SKIC3: variants seen among roughly 807,000 people sequenced by gnomAD.
SKIC3 encodes the protein superkiller complex protein 3.
chr5:95,517,125 CTGGCAATCT>C, the SKIC3 span: 1 of 1,613,468 alleles, frequency 6.2e-7, no homozygotes, highest in Non-Finnish European at 8.5e-7. Context: ...ATGTTATTAA[CTGGCAATCT>C]TTGCAAATTA....
the SKIC3 span, chr5:95,506,874 T>C: frequency 1.3e-6 from 2 of 1,549,472 alleles, no homozygotes; most frequent in Non-Finnish European, 1.8e-6. Flanking sequence ...AGCAGTCCCA[T>C]AGCTTTCACC....
At chr5:95,480,501 A>G in the SKIC3 span, among the ~76,000 whole-genome samples, 1 of 152,188 alleles carries the variant, frequency 6.6e-6, no homozygotes, top group Non-Finnish European at 1.5e-5. Context: ...AATCACTACA[A>G]TATATTATTA....
the SKIC3 span, among the ~76,000 whole-genome samples, chr5:95,490,701 T>A: frequency 1.3e-5 from 2 of 152,024 alleles, no homozygotes; most frequent in Non-Finnish European, 2.9e-5. Flanking sequence ...GGTTTCACCA[T>A]GTTAGCCAGG....
chr5:95,477,786 A>G, the SKIC3 span, among the ~76,000 whole-genome samples: 1 of 152,196 alleles, frequency 6.6e-6, no homozygotes, highest in Non-Finnish European at 1.5e-5. Flanking sequence ...CCTGCTCTGC[A>G]GTTTGCCCTC....
the SKIC3 span, among the ~76,000 whole-genome samples, chr5:95,515,731 T>C: frequency 1.3e-4 from 20 of 152,262 alleles, no homozygotes; most frequent in African/African-American, 3.1e-4. Flanking sequence ...CTTGAGAATA[T>C]TGAGAAAGCT....
At chr5:95,524,135 T>C in the SKIC3 span, among the ~76,000 whole-genome samples, 1,399 of 152,316 alleles carry the variant, frequency 9.2e-3, 20 homozygotes, top group African/African-American at 0.032. Context: ...GTAGGACTTA[T>C]AGATGTTAAA....
chr5:95,485,921 C>G, the SKIC3 span, among the ~76,000 whole-genome samples: 1 of 152,064 alleles, frequency 6.6e-6, no homozygotes, highest in Non-Finnish European at 1.5e-5. Context: ...GTCTGCTCGG[C>G]TGGGATCAGC....
the SKIC3 span, among the ~76,000 whole-genome samples, chr5:95,547,645 A>G: frequency 6.6e-6 from 1 of 152,042 alleles, no homozygotes; most frequent in African/African-American, 2.4e-5. Context: ...TTTTATTTAC[A>G]TTCATTCTCT....
the SKIC3 span, chr5:95,482,533 A>G: frequency 1.2e-6 from 2 of 1,613,976 alleles, no homozygotes; most frequent in Non-Finnish European, 1.7e-6. Context: ...CTTCAAGTAC[A>G]GCATCTGGGA....
At chr5:95,491,227 G>A in the SKIC3 span, among the ~76,000 whole-genome samples, 1 of 152,034 alleles carries the variant, frequency 6.6e-6, no homozygotes, top group Non-Finnish European at 1.5e-5. Flanking sequence ...TTCCAGATTT[G>A]CCAATTTTTC....
At chr5:95,493,883 C>T in the SKIC3 span, among the ~76,000 whole-genome samples, 3 of 151,858 alleles carry the variant, frequency 2.0e-5, no homozygotes, top group African/African-American at 4.8e-5. Flanking sequence ...TCTTCTATGG[C>T]ATTTTTCCAG....
the SKIC3 span, among the ~76,000 whole-genome samples, chr5:95,483,487 T>C: frequency 1.3e-5 from 2 of 152,206 alleles, no homozygotes; most frequent in African/African-American, 4.8e-5. Context: ...AGTAAACACT[T>C]ACTGTGTAAT....
At chr5:95,473,773 C>T in the SKIC3 span, among the ~76,000 whole-genome samples, 1 of 152,034 alleles carries the variant, frequency 6.6e-6, no homozygotes, top group African/African-American at 2.4e-5. Flanking sequence ...ATGCTTCTTG[C>T]TTGCTGATTT....
the SKIC3 span, among the ~76,000 whole-genome samples, chr5:95,551,535 T>C: frequency 1.3e-5 from 2 of 152,166 alleles, no homozygotes; most frequent in African/African-American, 2.4e-5. Context: ...AGTAAGATAA[T>C]AGTTAAAAAA....
the SKIC3 span, among the ~76,000 whole-genome samples, chr5:95,466,843 C>T: frequency 6.6e-6 from 1 of 152,152 alleles, no homozygotes; most frequent in Non-Finnish European, 1.5e-5. Flanking sequence ...TTCATTGCTT[C>T]ATTCTTACGG....
At chr5:95,469,735 A>C in the SKIC3 span, 1 of 1,611,340 alleles carries the variant, frequency 6.2e-7, no homozygotes, top group Non-Finnish European at 8.5e-7. Flanking sequence ...AGAAAGATTT[A>C]AAGTGAAGAA....
At chr5:95,535,913 A>C in the SKIC3 span, among the ~76,000 whole-genome samples, 5 of 152,174 alleles carry the variant, frequency 3.3e-5, no homozygotes, top group Admixed American at 6.5e-5. Context: ...GTACGTACTA[A>C]TATTTCTATT....
At chr5:95,523,877 T>C in the SKIC3 span, 1 of 1,552,706 alleles carries the variant, frequency 6.4e-7, no homozygotes, top group South Asian at 1.1e-5. Flanking sequence ...TAAAAGTTCA[T>C]TTAATGAGTA....
the SKIC3 span, among the ~76,000 whole-genome samples, chr5:95,467,020 T>C: frequency 6.6e-6 from 1 of 152,212 alleles, no homozygotes; most frequent in Admixed American, 6.5e-5. Flanking sequence ...AAAATGTTGA[T>C]TTTTGATACT....
Sources: gnomAD v4.1 joint callset for allele counts (sites outside exome capture counted in the v4.1 genomes callset) on GRCh38, gnomAD v4.1.1 for gene constraint, MANE v1.5 for transcripts, NCBI Gene and HGNC (gene_info 2026-07-23, HGNC 2026-07-21) for gene names.